The following ZFP64 variants were observed in gnomAD, a reference collection of about 807,000 sequenced individuals.
ZFP64 encodes the protein ZFP64 zinc finger protein, also known as zinc finger protein 64.
A neutral mutation model predicts 51.6 loss-of-function variants in ZFP64; 14 were observed. The ratio of observed to expected loss-of-function variants is 0.27; its 90% CI spans 0.18 to 0.42. The LOEUF (loss-of-function observed/expected upper bound fraction) is 0.42, where lower values mean the gene tolerates loss of function less well. Among genes scored for constraint, ZFP64 ranks in the 10% least tolerant of loss-of-function variants. ZFP64 has a pLI of 1.00. For synonymous variants in ZFP64, 375 were observed against 361.4 expected (o/e 1.04, Z -0.43); for missense variants, 754 against 906.8 (o/e 0.83, Z 2.16).
At chr20:52,132,877 ATACCAAAAC>A (rs1979789232) in intron 5 of ZFP64, among the ~76,000 whole-genome samples, 1 of 149,936 alleles carries the variant, frequency 6.7e-6, no homozygotes, top group African/African-American at 2.4e-5. Flanking sequence ...TGTTACCCTG[ATACCAAAAC>A]CAGACAAAAA....
chr20:52,110,987 C>G (rs1978534185), intron 5 of ZFP64: 1 of 1,503,364 alleles, frequency 6.7e-7, no homozygotes, highest in Non-Finnish European at 9.3e-7. Flanking sequence ...TTGGGAATGA[C>G]CTTGTAGAAA....
chr20:52,102,107 C>CAAAAAAAAAAAAAAAAAGAAAAAAAAAAA (rs2079058380), intron 5 of ZFP64, among the ~76,000 whole-genome samples: 1 of 63,438 alleles, frequency 1.6e-5, no homozygotes, highest in Non-Finnish European at 3.1e-5. Context: ...ACTCCATCTC[C>CAAAAAAAAAAAAAAAAAGAAAAAAAAAAA]AAAAAAAAAA....
rs976911175 is a variant in ZFP64 at position 52,151,781 on chromosome 20, G to C, written c.*365C>G. On this transcript the variant is annotated 3_prime_UTR_variant, in exon 6 of 6. Coordinates refer to ENST00000216923, the MANE Select transcript of ZFP64 (RefSeq NM_018197.3). ...TAAGAGCAAACCACGGCCAGGCATG[G>C]TGGCTCACACCTGTAATCCCAGCAC... The C allele has an allele frequency of 9.6e-7, 1 of 1,038,454 alleles. No individual in the cohort carries two copies. The highest frequency in any genetic ancestry group is 1.7e-5 in the African/African-American group (1 of 59,110). 64.3% of individuals were successfully genotyped at this position (1,038,454 alleles called of 1,614,324 possible). A position where few individuals can be genotyped will look rare whatever the true frequency, so the allele number is the denominator to read the frequency against.
chr20:52,191,756 C>CGCAGAGT lies in ZFP64; in HGVS notation c.-121_-120insACTCTGC. ...CCCCCCACCCTGCCTTCTCCCAACT[C>CGCAGAGT]TGCGAGGCGGGGAGGACGGATGTAA... On this transcript the variant is annotated 5_prime_UTR_variant, in exon 1 of 6. Coordinates refer to ENST00000216923, the MANE Select transcript of ZFP64 (RefSeq NM_018197.3). The surrounding 1 kb of genome is among the most constrained non-coding windows in gnomAD (Gnocchi z 4.3). 1 of 1,260,304 alleles carries CGCAGAGT rather than the reference C, an allele frequency of 7.9e-7. No individual in the cohort carries two copies. The highest frequency in any genetic ancestry group is 1.0e-6 in the Non-Finnish European group (1 of 955,798). The allele number at this position is 1,260,304 out of a possible 1,614,324, so 78.1% of individuals were successfully genotyped here. A position where few individuals can be genotyped will look rare whatever the true frequency, so the allele number is the denominator to read the frequency against.
chr20:52,145,631 C>A (rs1325961802), intron 5 of ZFP64, among the ~76,000 whole-genome samples: 1 of 152,046 alleles, frequency 6.6e-6, no homozygotes, highest in African/African-American at 2.4e-5. Flanking sequence ...AGAGTAATAC[C>A]CTTTCTCAAA....
intron 5 of ZFP64, among the ~76,000 whole-genome samples, chr20:52,102,107 C>CCAAAAAAAA (rs551838560): frequency 1.6e-5 from 1 of 63,436 alleles, no homozygotes; most frequent in African/African-American, 6.8e-5. Flanking sequence ...ACTCCATCTC[C>CCAAAAAAAA]AAAAAAAAAA....
At chr20:52,101,887 G>A (rs1425494430) in intron 5 of ZFP64, among the ~76,000 whole-genome samples, 1 of 148,958 alleles carries the variant, frequency 6.7e-6, no homozygotes, top group Non-Finnish European at 1.5e-5. Flanking sequence ...GGGAGGCTGA[G>A]GCAGGCGTCC....
intron 5 of ZFP64, among the ~76,000 whole-genome samples, chr20:52,114,337 T>C (rs1347341433): frequency 1.6e-4 from 25 of 152,276 alleles, no homozygotes. Context: ...CTTGTTAAAA[T>C]GCAGATTCTG....
In ZFP64 at chr20:52,161,434, G is replaced by A. The variant is rs983929852; in HGVS notation, c.512-1060C>T. 4.1e-5 allele frequency among the ~76,000 whole-genome samples: 6 copies of A among 145,350 alleles called. No individual in the cohort carries two copies. In the East Asian group the frequency reaches 6.0e-4, roughly 14 times the overall value. ...ACAGCTGGAATTAGAACCCAGGACCGTCTTGTGATTGCTTTCTTTTTTTTT... is the reference window on the plus strand; with the variant it reads ...ACAGCTGGAATTAGAACCCAGGACCATCTTGTGATTGCTTTCTTTTTTTTT... On this transcript the variant is annotated intron_variant, in intron 4 of 5. Coordinates refer to ENST00000216923, the MANE Select transcript of ZFP64 (RefSeq NM_018197.3).
At position 52,123,970 on chromosome 20, in the gene ZFP64, C is replaced by T. The variant is rs142724584; in HGVS notation, c.764-25383G>A. ...CTGCAAGCTCCACCTCCTGGGTTCA[C>T]GCCATTCTCGTGCCTCAGCCTCCCG... is the stretch of plus-strand genomic sequence containing the variant. On this transcript the variant is annotated intron_variant, in intron 5 of 8. Transcript: ENST00000361387. Among the ~76,000 whole-genome samples the T allele has an allele frequency of 5.2e-3, 790 of 152,010 alleles. 9 individuals carry two copies. Among genetic ancestry groups the T allele is most frequent in the African/African-American group, 0.017 (720 of 41,444 alleles).
chr20:52,142,377 G>GACACACACACACGCGCGC (rs1555804617), intron 5 of ZFP64, among the ~76,000 whole-genome samples: 2 of 118,370 alleles, frequency 1.7e-5, no homozygotes, highest in Non-Finnish European at 3.7e-5. Flanking sequence ...CACACACACA[G>GACACACACACACGCGCGC]ACACACACAC....
At chr20:52,157,596 C>T (rs954461649) in intron 5 of ZFP64, among the ~76,000 whole-genome samples, 15 of 152,226 alleles carry the variant, frequency 9.9e-5, no homozygotes, top group Non-Finnish European at 2.1e-4. Context: ...TAGGGGGAAC[C>T]TGTGCCCAGA....
At chr20:52,142,931 C>T (rs1358581676) in intron 5 of ZFP64, among the ~76,000 whole-genome samples, 1 of 141,070 alleles carries the variant, frequency 7.1e-6, no homozygotes, top group African/African-American at 2.5e-5. Flanking sequence ...ACTACAGCTA[C>T]CCCAACCTTC....
chr20:52,086,286 A>C (rs1464944491), intron 8 of ZFP64, among the ~76,000 whole-genome samples: 1 of 152,160 alleles, frequency 6.6e-6, no homozygotes. Context: ...TCACTTCCTT[A>C]TAAGTCTGCT....
intron 1 of ZFP64, among the ~76,000 whole-genome samples, chr20:52,188,466 C>T: frequency 6.6e-6 from 1 of 150,860 alleles, no homozygotes. Flanking sequence ...AGGCACCCGC[C>T]ACTACGCTCG....
intron 5 of ZFP64, among the ~76,000 whole-genome samples, chr20:52,120,667 C>CTTTT (rs11469627): frequency 7.0e-5 from 4 of 57,436 alleles, no homozygotes; most frequent in Non-Finnish European, 1.2e-4. Flanking sequence ...GATCAGTGAT[C>CTTTT]TTTTTTTTTT....
Position 52,129,966 on chromosome 20 carries a change from CT to C in ZFP64, c.763+30156del, listed in dbSNP as rs565937254. Among the ~76,000 whole-genome samples, 556 of 152,278 alleles carry C rather than the reference CT, an allele frequency of 3.7e-3. 2 individuals carry two copies. Among genetic ancestry groups the C allele is most frequent in the African/African-American group, 0.013 (545 of 41,544 alleles). On this transcript the variant is annotated intron_variant, in intron 5 of 8. Transcript: ENST00000361387. ...ACTCCTGCTGCCTGCTCCTCTTTCC[CT>C]TGCTCACTCTTCCCTGGCCACGTTC...
chr20:52,120,003 G>A (rs1259409903), intron 5 of ZFP64, among the ~76,000 whole-genome samples: 2 of 152,110 alleles, frequency 1.3e-5, no homozygotes, highest in African/African-American at 4.8e-5. Context: ...CCCACATGAT[G>A]GTATTAAGAA....
chr20:52,151,740 C>G lies in ZFP64; in HGVS notation c.*406G>C, dbSNP rs192571880. Reference sequence around the variant, plus strand: ...ATTATGGGGCCAGGGGGATTCACAACCATCCTTAAAAACATTAAGAGCAAA... The same window carrying G: ...ATTATGGGGCCAGGGGGATTCACAAGCATCCTTAAAAACATTAAGAGCAAA... On this transcript the variant is annotated 3_prime_UTR_variant, in exon 6 of 6. Transcript: ENST00000216923. 37 of 1,014,410 alleles carry G rather than the reference C, an allele frequency of 3.6e-5. No homozygotes were observed. The African/African-American group carries it at 6.0e-4, about 17-fold the overall frequency. The allele number at this position is 1,014,410 out of a possible 1,614,324, so 62.8% of individuals were successfully genotyped here.
Sources: allele counts gnomAD v4.1 joint callset (sites outside exome capture counted in the v4.1 genomes callset), GRCh38; gene constraint gnomAD v4.1.1; non-coding constraint Gnocchi (gnomAD v3.1); transcripts MANE v1.5; gene names NCBI Gene and HGNC (gene_info 2026-07-23, HGNC 2026-07-21).